The following CNTN1 variants were observed in gnomAD, a reference collection of about 807,000 sequenced individuals.
The protein encoded by CNTN1 is contactin-1.
A neutral mutation model predicts 126.4 loss-of-function variants in CNTN1; 38 were observed. The observed-to-expected ratio is 0.30, with a 90% CI of 0.23 to 0.39. CNTN1 has a LOEUF of 0.39. CNTN1 is among the 10% of genes least tolerant of loss of function. CNTN1 has a pLI of 1.00. For synonymous variants in CNTN1, 413 were observed against 422.6 expected, an observed-to-expected ratio of 0.98 and a Z score of 0.28; for missense variants, 1,009 against 1,248.4, an observed-to-expected ratio of 0.81 and a Z score of 2.89.
intron 2 of CNTN1, 52 bp from the exon 3 acceptor site, chr12:40,910,021 A>G (rs995987269): frequency 1.5e-6 from 2 of 1,367,884 alleles, no homozygotes; most frequent in Admixed American, 3.4e-5. Flanking sequence ...GTTTGAAACC[A>G]CAATTCAAAT....
chr12:40,959,351 G>A (rs1271480318), intron 15 of CNTN1, 117 bp downstream of exon 15: 1 of 1,070,476 alleles, frequency 9.3e-7, no homozygotes, highest in African/African-American at 1.6e-5. Context: ...TCAATCCCAT[G>A]CTTAAGAATG....
intron 23 of CNTN1, among the ~76,000 whole-genome samples, chr12:41,060,369 T>G (rs1410490301): frequency 6.6e-6 from 1 of 152,212 alleles, no homozygotes; most frequent in Non-Finnish European, 1.5e-5. Context: ...ACCATTAACC[T>G]TGGCATAGTG....
At position 40,851,522 on chromosome 12, in the gene CNTN1, GT is replaced by G. The variant is rs1188824927; in HGVS notation, c.-76-56833del. ...TTCAGCCATTCTCAGCCTCTCTGGG[GT>G]TAGTCTTGCTAGAGAATTATATGCT... On this transcript the variant is annotated intron_variant, in intron 1 of 23. Transcript: ENST00000551295. Among the ~76,000 whole-genome samples, 57 of 152,268 alleles carry G rather than the reference GT, an allele frequency of 3.7e-4. 1 individual carries two copies. The highest frequency in any genetic ancestry group is 5.1e-4 in the Non-Finnish European group (35 of 68,012).
chr12:40,962,676 T>C (rs1280835915), intron 15 of CNTN1, among the ~76,000 whole-genome samples: 2 of 152,230 alleles, frequency 1.3e-5, no homozygotes, highest in Admixed American at 6.5e-5. Flanking sequence ...AAAGCATAAA[T>C]GTGTACTTAT....
intron 1 of CNTN1, among the ~76,000 whole-genome samples, chr12:40,793,836 C>T (rs1284618075): frequency 6.6e-6 from 1 of 151,962 alleles, no homozygotes; most frequent in Non-Finnish European, 1.5e-5. Context: ...TTATTTTTAT[C>T]ACAGCCTTAT....
Position 40,822,148 on chromosome 12 carries a change from C to CTTT in CNTN1, c.-76-86187_-76-86185dup, listed in dbSNP as rs777953120. 3.9e-3 allele frequency among the ~76,000 whole-genome samples: 182 copies of CTTT among 47,250 alleles called. 24 individuals are homozygous for CTTT. Among genetic ancestry groups the CTTT allele is most frequent in the Non-Finnish European group, 5.8e-3 (136 of 23,470 alleles). 31.0% of individuals were successfully genotyped at this position (47,250 alleles called of 152,430 possible). ...TTTCCAGTCTAGACAAAATATAAATCTTTTTTTTTTTTTTTTTTTTTTTTG... is the reference window on the plus strand; with the variant it reads ...TTTCCAGTCTAGACAAAATATAAATCTTTTTTTTTTTTTTTTTTTTTTTTTTTG... On this transcript the variant is annotated intron_variant, in intron 1 of 23. Coordinates refer to ENST00000551295, the MANE Select transcript of CNTN1 (RefSeq NM_001843.4).
At chr12:40,999,525 T>G (rs1400663297) in intron 17 of CNTN1, among the ~76,000 whole-genome samples, 1 of 152,116 alleles carries the variant, frequency 6.6e-6, no homozygotes, top group Non-Finnish European at 1.5e-5. Context: ...TCCTCTATTC[T>G]CAGATTCATG....
intron 23 of CNTN1, among the ~76,000 whole-genome samples, chr12:41,039,147 G>A (rs1336432802): frequency 8.5e-5 from 13 of 152,156 alleles, no homozygotes; most frequent in Admixed American, 2.6e-4. Context: ...CCAGTTTAAG[G>A]TGGGAAGTGA....
At chr12:40,713,841 T>A (rs1388874138) in intron 1 of CNTN1, among the ~76,000 whole-genome samples, 2 of 152,124 alleles carry the variant, frequency 1.3e-5, no homozygotes, top group Non-Finnish European at 2.9e-5. Flanking sequence ...GTCATATGTC[T>A]TTTCCACATT....
intron 1 of CNTN1, among the ~76,000 whole-genome samples, chr12:40,857,882 G>A (rs879100244): frequency 6.6e-6 from 1 of 152,050 alleles, no homozygotes; most frequent in Admixed American, 6.6e-5. Context: ...TCTTGTCTCT[G>A]GTAGTGGTGG....
chr12:41,065,181 G>A lies in CNTN1; in HGVS notation c.2981-4778G>A, dbSNP rs373256229. 3.5e-3 allele frequency among the ~76,000 whole-genome samples: 534 copies of A among 152,210 alleles called. 2 individuals are homozygous for A. Among genetic ancestry groups the A allele is most frequent in the African/African-American group, 0.012 (489 of 41,538 alleles). ...CGCCATTCTCCTGCCTCAGCCTCCCGAGTAGCTGGGACTATAGGTGCCTGC... is the reference window on the plus strand; with the variant it reads ...CGCCATTCTCCTGCCTCAGCCTCCCAAGTAGCTGGGACTATAGGTGCCTGC... On this transcript the variant is annotated intron_variant, in intron 23 of 23. Transcript: ENST00000551295.
chr12:41,000,953 G>T (rs1190367755), intron 17 of CNTN1, among the ~76,000 whole-genome samples: 1 of 152,176 alleles, frequency 6.6e-6, no homozygotes, highest in Non-Finnish European at 1.5e-5. Flanking sequence ...TCCCTGCAAA[G>T]TACATGGTCT....
intron 1 of CNTN1, among the ~76,000 whole-genome samples, chr12:40,826,376 G>T (rs1941614706): frequency 6.6e-6 from 1 of 152,066 alleles, no homozygotes; most frequent in African/African-American, 2.4e-5. Flanking sequence ...ATAAAACAAA[G>T]TGTATGTAGT....
At chr12:41,030,965 T>C (rs1949134108) in intron 23 of CNTN1, among the ~76,000 whole-genome samples, 1 of 152,196 alleles carries the variant, frequency 6.6e-6, no homozygotes, top group Non-Finnish European at 1.5e-5. Context: ...ATATGGCCAT[T>C]ATTTCAAGGA....
intron 1 of CNTN1, among the ~76,000 whole-genome samples, chr12:40,725,894 G>A (rs762165575): frequency 3.3e-5 from 5 of 151,196 alleles, no homozygotes; most frequent in African/African-American, 7.3e-5. Context: ...TTACATAGGC[G>A]TTTAGTAGGC....
chr12:40,889,286 T>C (rs574669980), intron 1 of CNTN1, among the ~76,000 whole-genome samples: 1 of 152,258 alleles, frequency 6.6e-6, no homozygotes, highest in South Asian at 2.1e-4. Flanking sequence ...ATGTGATAAG[T>C]GATTAGAAAG....
At chr12:40,760,271 T>C (rs1938804701) in intron 1 of CNTN1, among the ~76,000 whole-genome samples, 1 of 152,224 alleles carries the variant, frequency 6.6e-6, no homozygotes, top group South Asian at 2.1e-4. Flanking sequence ...AATTTTTAAT[T>C]ACTTCTTACA....
intron 1 of CNTN1, among the ~76,000 whole-genome samples, chr12:40,773,660 TATATATATATATACAC>T (rs1284321577): frequency 9.5e-4 from 7 of 7,358 alleles, no homozygotes; most frequent in African/African-American, 2.0e-3. Flanking sequence ...TATATACACA[TATATATATATATACAC>T]ATATATATAT....
chr12:40,712,239 A>C (rs1404787414), intron 1 of CNTN1, among the ~76,000 whole-genome samples: 1 of 152,028 alleles, frequency 6.6e-6, no homozygotes, highest in Non-Finnish European at 1.5e-5. Context: ...TCTTGGAAAA[A>C]ACTTTTGATA....
Sources: allele counts gnomAD v4.1 joint callset (sites outside exome capture counted in the v4.1 genomes callset), GRCh38; gene constraint gnomAD v4.1.1; transcripts MANE v1.5; gene names NCBI Gene and HGNC (gene_info 2026-07-23, HGNC 2026-07-21).